The following ZBTB46 variants were observed in gnomAD, a reference collection of about 807,000 sequenced individuals.
ZBTB46 encodes zinc finger and BTB domain containing 46.
In ZBTB46, 8 loss-of-function variants were observed where a neutral mutation model predicts 44.1. The ratio of observed to expected loss-of-function variants is 0.18; its 90% confidence interval spans 0.11 to 0.33. The LOEUF (loss-of-function observed/expected upper bound fraction) is 0.33. Among genes scored for constraint, ZBTB46 ranks in the 10% least tolerant of loss-of-function variants. The probability of loss-of-function intolerance (pLI) is 1.00; values close to 1 mark genes in which losing one functional copy is unlikely to be tolerated. For synonymous variants in ZBTB46, 409 were observed against 382.3 expected (o/e 1.07, Z -0.81); for missense variants, 651 against 847.7 (o/e 0.77, Z 2.88).
intron 2 of ZBTB46, among the ~76,000 whole-genome samples, chr20:63,788,716 G>A (rs529425052): frequency 6.6e-6 from 1 of 152,136 alleles, no homozygotes; most frequent in Non-Finnish European, 1.5e-5. Context: ...GCACGTGCCT[G>A]TAATCCCCAG....
Position 63,790,774 on chromosome 20 carries a change from C to T in ZBTB46, c.-17G>A, listed in dbSNP as rs770214909. ...GTTGTTCATTTGGAAGCCCTGGTGT[C>T]GCCTCTTCTACAGACTCTGTGGAGG... On this transcript the variant is annotated 5_prime_UTR_variant, in exon 2 of 5. Coordinates refer to ENST00000245663, the MANE Select transcript of ZBTB46 (RefSeq NM_001369741.1). The T allele has an allele frequency of 2.2e-5, 35 of 1,583,918 alleles. No individual in the cohort carries two copies. The highest frequency in any genetic ancestry group is 2.7e-5 in the Non-Finnish European group (32 of 1,167,614).
In ZBTB46 at chr20:63,809,184, C is replaced by G. The variant is rs115239516; in HGVS notation, c.-33-18394G>C. Among the ~76,000 whole-genome samples the G allele has an allele frequency of 3.6e-3, 546 of 151,862 alleles. 4 individuals carry two copies. The highest frequency in any genetic ancestry group is 0.013 in the African/African-American group (530 of 41,488). ...GCCATGGGCTTGGCCGAAGTGGGCA[C>G]TAAAGGTGCAGACTCGGTGGAGCCA... is the stretch of plus-strand genomic sequence containing the variant. On this transcript the variant is annotated intron_variant, in intron 1 of 4. Transcript: ENST00000245663.
chr20:63,821,707 C>T (rs959284816), intron 1 of ZBTB46, among the ~76,000 whole-genome samples: 3 of 152,188 alleles, frequency 2.0e-5, no homozygotes, highest in African/African-American at 7.2e-5. Context: ...CTCGGCCTCC[C>T]AAAGTGCTGG....
At chr20:63,816,030 G>GGC (rs1230929568) in intron 1 of ZBTB46, among the ~76,000 whole-genome samples, 3 of 143,236 alleles carry the variant, frequency 2.1e-5, no homozygotes, top group African/African-American at 8.1e-5. Flanking sequence ...GGCGCAGGTG[G>GGC]GCACAGGTGC....
chr20:63,764,916 AT>A (rs141414795), intron 3 of ZBTB46, among the ~76,000 whole-genome samples: 2 of 146,464 alleles, frequency 1.4e-5, no homozygotes. Context: ...TGCTTTTAAG[AT>A]TTTTTTTTGT....
chr20:63,819,686 T>C (rs574158288), intron 1 of ZBTB46, among the ~76,000 whole-genome samples: 23 of 152,250 alleles, frequency 1.5e-4, no homozygotes, highest in African/African-American at 5.5e-4. Flanking sequence ...CAACGTCTAG[T>C]GAAATCCAGT....
Position 63,803,629 on chromosome 20 carries a change from C to T in ZBTB46, c.-33-12839G>A, listed in dbSNP as rs1353005621. On this transcript the variant is annotated intron_variant, in intron 1 of 4. Transcript: ENST00000245663. The surrounding 1 kb of genome is among the most constrained non-coding windows in gnomAD (Gnocchi z 4.0). ...CCCCGCCCCTCCCTGCCCACTGGCCCCTTTCAGTTCCTTCATCTCCAGCCC... is the reference window on the plus strand; with the variant it reads ...CCCCGCCCCTCCCTGCCCACTGGCCTCTTTCAGTTCCTTCATCTCCAGCCC... 1 of 562,284 alleles carries T rather than the reference C, an allele frequency of 1.8e-6. No individual in the cohort carries two copies. The highest frequency in any genetic ancestry group is 2.3e-6 in the Non-Finnish European group (1 of 443,690). 34.8% of individuals were successfully genotyped at this position (562,284 alleles called of 1,614,324 possible).
chr20:63,778,238 T>TGAC (rs937450608), intron 2 of ZBTB46, among the ~76,000 whole-genome samples: 2 of 152,092 alleles, frequency 1.3e-5, no homozygotes, highest in Non-Finnish European at 2.9e-5. Flanking sequence ...CAACAAAAGG[T>TGAC]GACGACTTGA....
At position 63,767,998 on chromosome 20, in the gene ZBTB46, G is replaced by A. The variant is rs1384433537; in HGVS notation, c.1222+7680C>T. On this transcript the variant is annotated intron_variant, in intron 3 of 4. Transcript: ENST00000245663. This position sits in a 1 kb window ranked among gnomAD's most constrained non-coding sequence, Gnocchi z 5.0. ...AGGTGTCGATCTGGAACCAGAGACAGACAAGTTACAGACCGTCAGGATGGG... is the reference window on the plus strand; with the variant it reads ...AGGTGTCGATCTGGAACCAGAGACAAACAAGTTACAGACCGTCAGGATGGG... The A allele has an allele frequency of 1.0e-6, 1 of 985,352 alleles. No individual in the cohort carries two copies. The highest frequency in any genetic ancestry group is 6.1e-5 in the Admixed American group (1 of 16,268). 61.0% of individuals were successfully genotyped at this position (985,352 alleles called of 1,614,324 possible).
intron 1 of ZBTB46, among the ~76,000 whole-genome samples, chr20:63,800,679 T>C (rs1601499687): frequency 6.6e-6 from 1 of 152,184 alleles, no homozygotes; most frequent in African/African-American, 2.4e-5. Flanking sequence ...ATGAGGGGCT[T>C]AGCACCCGGG....
At chr20:63,815,182 C>CCAGGTGCAGTGGGCACAGGTGGGCA in intron 1 of ZBTB46, 1 of 216,344 alleles carries the variant, frequency 4.6e-6, no homozygotes, top group Non-Finnish European at 9.5e-6. Flanking sequence ...TGCAGTGGGC[C>CCAGGTGCAGTGGGCACAGGTGGGCA]CAGGTGCAGT....
At chr20:63,754,300 C>CT (rs2092199404) in intron 3 of ZBTB46, among the ~76,000 whole-genome samples, 1 of 152,186 alleles carries the variant, frequency 6.6e-6, no homozygotes, top group African/African-American at 2.4e-5. Flanking sequence ...TAACAAGAGA[C>CT]TTCTCCTTAC....
chr20:63,764,400 C>T (rs2092301079), intron 3 of ZBTB46, among the ~76,000 whole-genome samples: 1 of 151,640 alleles, frequency 6.6e-6, no homozygotes, highest in Non-Finnish European at 1.5e-5. Context: ...CGCACCATTG[C>T]ACTCCAGCCT....
chr20:63,821,170 C>T (rs2092789989), intron 1 of ZBTB46, among the ~76,000 whole-genome samples: 1 of 151,076 alleles, frequency 6.6e-6, no homozygotes, highest in Admixed American at 6.6e-5. Context: ...CAGGCGTGAG[C>T]CACTGCGCCC....
intron 1 of ZBTB46, among the ~76,000 whole-genome samples, chr20:63,828,399 T>C (rs1342800548): frequency 1.3e-5 from 2 of 152,264 alleles, no homozygotes; most frequent in Non-Finnish European, 2.9e-5. Flanking sequence ...AATAGAGATT[T>C]TGAATCAAAC....
At chr20:63,826,822 C>CGT (rs1463536825) in intron 1 of ZBTB46, among the ~76,000 whole-genome samples, 3 of 152,190 alleles carry the variant, frequency 2.0e-5, no homozygotes, top group Non-Finnish European at 4.4e-5. Context: ...GAAGGTACAA[C>CGT]GTGAAACTCA....
chr20:63,784,242 C>G (rs1342055486), intron 2 of ZBTB46, among the ~76,000 whole-genome samples: 1 of 152,240 alleles, frequency 6.6e-6, no homozygotes, highest in African/African-American at 2.4e-5. Context: ...CCGCCGGAGG[C>G]AGGCCGGCCT....
chr20:63,822,784 C>T (rs1568909545), intron 1 of ZBTB46, among the ~76,000 whole-genome samples: 1 of 152,104 alleles, frequency 6.6e-6, no homozygotes, highest in East Asian at 1.9e-4. Context: ...GAGGCTGAGG[C>T]AGGATGAATG....
intron 3 of ZBTB46, among the ~76,000 whole-genome samples, chr20:63,771,714 G>T (rs564355773): frequency 6.6e-6 from 1 of 152,324 alleles, no homozygotes; most frequent in South Asian, 2.1e-4. Context: ...CGGATTCCAC[G>T]GGACCACCTG....
Sources: gnomAD v4.1 joint callset for allele counts (sites outside exome capture counted in the v4.1 genomes callset) on GRCh38, gnomAD v4.1.1 for gene constraint, Gnocchi (gnomAD v3.1) non-coding constraint, MANE v1.5 for transcripts, NCBI Gene and HGNC (gene_info 2026-07-23, HGNC 2026-07-21) for gene names.